ZNF782: variants seen among roughly 807,000 people sequenced by gnomAD.
The protein encoded by ZNF782 is zinc finger protein 782.
Under a neutral mutation model 13.0 loss-of-function variants are expected in ZNF782, and 12 were observed. The ratio of observed to expected loss-of-function variants is 0.92; its 90% CI spans 0.59 to 1.50. ZNF782 has a LOEUF of 1.50. Among genes scored for constraint, ZNF782 ranks in the 40% most tolerant of loss-of-function variants. The probability of loss-of-function intolerance (pLI) is 0.00; values close to 1 mark genes in which losing one functional copy is unlikely to be tolerated. For missense variants in ZNF782, 770 were observed against 822.9 expected (o/e 0.94, Z 0.79); for synonymous variants, 284 against 283.0 (o/e 1.00, Z -0.04).
At chr9:96,922,691 G>A in the ZNF782 span, among the ~76,000 whole-genome samples, 10,186 of 147,916 alleles carry the variant, frequency 0.069, 4 homozygotes, top group Non-Finnish European at 0.1. Flanking sequence ...GGAGAATGGC[G>A]TGAACCCGGG....
At chr9:96,898,788 C>G in the ZNF782 span, among the ~76,000 whole-genome samples, 1 of 147,958 alleles carries the variant, frequency 6.8e-6, no homozygotes, top group Non-Finnish European at 1.5e-5. Context: ...CTCAGGTGAT[C>G]CACCCACCTG....
chr9:96,850,373 G>C lies in ZNF782; in HGVS notation c.15+1574C>G, dbSNP rs773291047. Among the ~76,000 whole-genome samples the C allele has an allele frequency of 6.6e-6, 1 of 152,316 alleles. No individual in the cohort carries two copies. The highest frequency in any genetic ancestry group is 1.9e-4 in the East Asian group (1 of 5,180). ...TGCAGCAACTTGGATGGAGCTGGAG[G>C]CTGTTATTCTAAGTATCACAGGAGT... On this transcript the variant is annotated intron_variant, in intron 3 of 5. Coordinates refer to ENST00000481138, the MANE Select transcript of ZNF782 (RefSeq NM_001001662.3). This position sits in a 1 kb window ranked among gnomAD's most constrained non-coding sequence, Gnocchi z 4.3.
chr9:96,850,337 A>G lies in ZNF782; in HGVS notation c.15+1610T>C, dbSNP rs946217696. Among the ~76,000 whole-genome samples, 1 of 152,232 alleles carries G rather than the reference A, an allele frequency of 6.6e-6. No individual in the cohort carries two copies. Among genetic ancestry groups the G allele is most frequent in the Non-Finnish European group, 1.5e-5 (1 of 68,036 alleles). Reference sequence around the variant, plus strand: ...CTACTCAGCCATAAAAAGGAATGAAATAATGTCTTTTGCAGCAACTTGGAT... The same window carrying G: ...CTACTCAGCCATAAAAAGGAATGAAGTAATGTCTTTTGCAGCAACTTGGAT... On this transcript the variant is annotated intron_variant, in intron 3 of 5. Transcript: ENST00000481138. The surrounding 1 kb of genome is among the most constrained non-coding windows in gnomAD (Gnocchi z 4.3).
chr9:96,931,364 C>T, the ZNF782 span, among the ~76,000 whole-genome samples: 1 of 151,492 alleles, frequency 6.6e-6, no homozygotes, highest in Non-Finnish European at 1.5e-5. Context: ...TGCTGCTGAG[C>T]ACACTGAGAG....
chr9:96,912,405 A>G, the ZNF782 span, among the ~76,000 whole-genome samples: 1 of 140,384 alleles, frequency 7.1e-6, no homozygotes, highest in Non-Finnish European at 1.5e-5. Context: ...GGGCGCCTGT[A>G]ATCCCAGCTA....
the ZNF782 span, among the ~76,000 whole-genome samples, chr9:96,912,621 C>T: frequency 4.7e-4 from 71 of 151,736 alleles, 2 homozygotes; most frequent in Non-Finnish European, 7.4e-4. Context: ...CTCCACTTCC[C>T]GGGTTCAAGC....
At chr9:96,845,042 C>T in intron 3 of ZNF782, 26 bp from the exon 4 acceptor site, 2 of 1,613,436 alleles carry the variant, frequency 1.2e-6, no homozygotes. Flanking sequence ...TCTAATTAAT[C>T]TGAGTGTTCA....
chr9:96,862,646 T>C (rs1296585161), intron 1 of ZNF782, among the ~76,000 whole-genome samples: 4 of 152,228 alleles, frequency 2.6e-5, no homozygotes, highest in East Asian at 3.8e-4. Context: ...ACTTTGCTAA[T>C]AGTATATAAA....
At chr9:96,819,860 T>A (rs1382794070) in intron 5 of ZNF782, 82 bp from the exon 6 acceptor site, 1 of 1,080,522 alleles carries the variant, frequency 9.3e-7, no homozygotes, top group Non-Finnish European at 1.2e-6. Flanking sequence ...ATATATGCCC[T>A]ATTATGTATT....
chr9:96,916,807 G>A, the ZNF782 span, among the ~76,000 whole-genome samples: 8 of 144,718 alleles, frequency 5.5e-5, no homozygotes, highest in African/African-American at 2.0e-4. Context: ...GGAAGACAGA[G>A]ACTACAGCAC....
intron 1 of ZNF782, among the ~76,000 whole-genome samples, chr9:96,872,989 G>T (rs184527475): frequency 3.3e-5 from 5 of 152,152 alleles, no homozygotes; most frequent in African/African-American, 1.2e-4. Flanking sequence ...TAAAGTTGTT[G>T]TACAGAGGGT....
rs1251954070 is a variant in ZNF782 at position 96,819,547 on chromosome 9, T to C, written c.476A>G (p.Lys159Arg). The change falls in exon 6 of 6, where the codon AAA becomes AGA. Residue 159 changes from lysine to arginine, a missense_variant. Physicochemically the swap from Lys to Arg is conservative, Grantham distance 26 (BLOSUM62 2). Coordinates refer to ENST00000481138, the MANE Select transcript of ZNF782 (RefSeq NM_001001662.3). ...SLMAPHCQYS[K>R]EKAHERNVCD... ...AACATTACGCTCATGAGCCTTTTCTTTTGAATACTGACAGTGTGGGGCCAT... is the reference window on the plus strand; with the variant it reads ...AACATTACGCTCATGAGCCTTTTCTCTTGAATACTGACAGTGTGGGGCCAT... The C allele has an allele frequency of 1.9e-6, 3 of 1,612,668 alleles. No homozygotes were observed. The highest frequency in any genetic ancestry group is 2.5e-6 in the Non-Finnish European group (3 of 1,179,498).
intron 3 of ZNF782, among the ~76,000 whole-genome samples, chr9:96,848,126 A>G (rs1851389194): frequency 6.6e-6 from 1 of 152,158 alleles, no homozygotes; most frequent in Admixed American, 6.5e-5. Flanking sequence ...GTACCTTTAT[A>G]AAAGCTCTCA....
intron 3 of ZNF782, among the ~76,000 whole-genome samples, chr9:96,849,610 C>T (rs151032216): frequency 1.6e-4 from 25 of 152,266 alleles, no homozygotes; most frequent in East Asian, 7.7e-4. Flanking sequence ...GCCTAGGCCA[C>T]GAACTCGTGA....
upstream of ZNF782, among the ~76,000 whole-genome samples, chr9:96,876,090 AC>A (rs1224632188): frequency 6.6e-6 from 1 of 152,170 alleles, no homozygotes; most frequent in Non-Finnish European, 1.5e-5. Context: ...TTAAATTTGA[AC>A]TTTGCTGCCG....
intron 4 of ZNF782, among the ~76,000 whole-genome samples, chr9:96,838,984 G>A (rs1440224565): frequency 6.6e-6 from 1 of 152,108 alleles, no homozygotes; most frequent in Admixed American, 6.5e-5. Context: ...AAAGTGCTGG[G>A]ATTACAGTCG....
the ZNF782 span, among the ~76,000 whole-genome samples, chr9:96,923,299 A>C: frequency 2.0e-5 from 3 of 150,432 alleles, no homozygotes; most frequent in African/African-American, 7.3e-5. Context: ...CCAGTCCCAC[A>C]ATACCTGCAC....
At chr9:96,931,799 A>G in the ZNF782 span, 3 of 1,611,332 alleles carry the variant, frequency 1.9e-6, no homozygotes, top group Non-Finnish European at 2.5e-6. Flanking sequence ...GCCCTTTGCC[A>G]CACCCTCTCC....
chr9:96,828,362 C>T (rs917604155), intron 4 of ZNF782, among the ~76,000 whole-genome samples: 3 of 152,170 alleles, frequency 2.0e-5, no homozygotes, highest in East Asian at 1.9e-4. Context: ...TTCCAAGTAA[C>T]TTAACTACAT....
Sources: gnomAD v4.1 joint callset for allele counts (sites outside exome capture counted in the v4.1 genomes callset) on GRCh38, gnomAD v4.1.1 for gene constraint, Gnocchi (gnomAD v3.1) non-coding constraint, MANE v1.5 for transcripts, NCBI Gene and HGNC (gene_info 2026-07-23, HGNC 2026-07-21) for gene names.